PALLD: variants seen among roughly 807,000 people sequenced by gnomAD.
PALLD encodes the protein palladin, cytoskeletal associated protein.
A neutral mutation model predicts 123.5 loss-of-function variants in PALLD; 61 were observed. The ratio of observed to expected loss-of-function variants is 0.49; its 90% CI spans 0.40 to 0.61. The LOEUF (loss-of-function observed/expected upper bound fraction) is 0.61, where lower values mean the gene tolerates loss of function less well. Among genes scored for constraint, PALLD ranks in the 20% least tolerant of loss-of-function variants. The pLI, the probability that PALLD is intolerant of heterozygous loss-of-function variation, is 0.00. For synonymous variants in PALLD, 465 were observed against 496.4 expected (o/e 0.94, Z 0.84); for missense variants, 1,273 against 1,377.0 (o/e 0.92, Z 1.20).
intron 8 of PALLD, among the ~76,000 whole-genome samples, chr4:168,694,681 G>A (rs1324326231): frequency 2.0e-5 from 3 of 152,182 alleles, no homozygotes; most frequent in African/African-American, 4.8e-5. Context: ...GAAATAGCAG[G>A]TTGTCTCCAA....
rs35555541 is a variant in PALLD, at chr4:168,527,422, C to CAAAAAAA, written c.908+15026_908+15032dup. ...GGGCAACAGGAGTGAAACTCCATCT[C>CAAAAAAA]AAAAAAAAAAAAAAAAAAAAAAGTC... On this transcript the variant is annotated intron_variant, in intron 2 of 21. Coordinates refer to ENST00000505667, the MANE Select transcript of PALLD (RefSeq NM_001166108.2). Among the ~76,000 whole-genome samples, 28 of 52,914 alleles carry CAAAAAAA rather than the reference C, an allele frequency of 5.3e-4. 4 individuals are homozygous for CAAAAAAA. The highest frequency in any genetic ancestry group is 2.8e-3 in the African/African-American group (25 of 8,858). The allele number at this position is 52,914 out of a possible 152,430, so 34.7% of individuals were successfully genotyped here. A position where few individuals can be genotyped will look rare whatever the true frequency, so the allele number is the denominator to read the frequency against.
chr4:168,782,119 C>T (rs1736007464), intron 10 of PALLD, among the ~76,000 whole-genome samples: 2 of 152,152 alleles, frequency 1.3e-5, no homozygotes, highest in Non-Finnish European at 2.9e-5. Context: ...GACCAGACTG[C>T]TACCAATGCC....
intron 2 of PALLD, among the ~76,000 whole-genome samples, chr4:168,564,979 C>G (rs1482387863): frequency 6.6e-6 from 1 of 150,740 alleles, no homozygotes; most frequent in Admixed American, 6.6e-5. Flanking sequence ...GTTGCTTGAG[C>G]CTAGGAGACC....
chr4:168,518,651 A>G (rs942230173), intron 2 of PALLD, among the ~76,000 whole-genome samples: 1 of 152,132 alleles, frequency 6.6e-6, no homozygotes, highest in Non-Finnish European at 1.5e-5. Context: ...CCTTTACAAT[A>G]TGGCCTCCTA....
chr4:168,649,315 T>C (rs1051010872), intron 2 of PALLD, among the ~76,000 whole-genome samples: 2 of 152,226 alleles, frequency 1.3e-5, no homozygotes, highest in Non-Finnish European at 2.9e-5. Flanking sequence ...ATAAAACAAT[T>C]GCTAACATTT....
chr4:168,811,677 A>G (rs1277701717), intron 10 of PALLD, among the ~76,000 whole-genome samples: 1 of 152,128 alleles, frequency 6.6e-6, no homozygotes, highest in Non-Finnish European at 1.5e-5. Flanking sequence ...TAGAGGTTGC[A>G]GTGAGCCATA....
At chr4:168,611,895 C>T (rs1410481809) in intron 2 of PALLD, among the ~76,000 whole-genome samples, 1 of 152,190 alleles carries the variant, frequency 6.6e-6, no homozygotes, top group Non-Finnish European at 1.5e-5. Context: ...CGCCATGGCT[C>T]ATGCCTGTAA....
chr4:168,706,456 T>C (rs1302218509), intron 8 of PALLD, among the ~76,000 whole-genome samples: 2 of 152,210 alleles, frequency 1.3e-5, no homozygotes, highest in African/African-American at 4.8e-5. Context: ...TTAATATATC[T>C]TAGAAATGAG....
chr4:168,848,597 C>T (rs1747266313), intron 10 of PALLD, among the ~76,000 whole-genome samples: 2 of 152,176 alleles, frequency 1.3e-5, no homozygotes, highest in Non-Finnish European at 2.9e-5. Context: ...GGGTTATTGT[C>T]AAACTTAGAA....
At chr4:168,673,924 G>A (rs1313470905) in intron 3 of PALLD, among the ~76,000 whole-genome samples, 1 of 151,952 alleles carries the variant, frequency 6.6e-6, no homozygotes, top group African/African-American at 2.4e-5. Flanking sequence ...GTGTCTGTGT[G>A]TGTATTTGGA....
chr4:168,882,763 A>C (rs1277206826), intron 10 of PALLD, among the ~76,000 whole-genome samples: 1 of 152,168 alleles, frequency 6.6e-6, no homozygotes, highest in Non-Finnish European at 1.5e-5. Context: ...CGACTGGGTT[A>C]TTCTGTTGAA....
chr4:168,667,400 T>C (rs976498114), intron 2 of PALLD, among the ~76,000 whole-genome samples: 1 of 152,122 alleles, frequency 6.6e-6, no homozygotes, highest in African/African-American at 2.4e-5. Context: ...TAGGGCAGCT[T>C]TGGGCTTTGT....
chr4:168,926,647 A>G lies in PALLD; in HGVS notation c.*467A>G. ...GAATTGCTGTGATTAAAGTGATCAA[A>G]ATGCCAAAATACTAAAGGAAATCAA... On this transcript the variant is annotated 3_prime_UTR_variant, in exon 22 of 22. Transcript: ENST00000505667. 1 of 380,092 alleles carries G rather than the reference A, an allele frequency of 2.6e-6. No homozygotes were observed. Among genetic ancestry groups the G allele is most frequent in the East Asian group, 4.3e-5 (1 of 23,382 alleles). 23.5% of individuals were successfully genotyped at this position (380,092 alleles called of 1,614,324 possible). A position where few individuals can be genotyped will look rare whatever the true frequency, so the allele number is the denominator to read the frequency against.
At chr4:168,634,744 A>G (rs1266090039) in intron 2 of PALLD, among the ~76,000 whole-genome samples, 3 of 152,236 alleles carry the variant, frequency 2.0e-5, no homozygotes, top group Admixed American at 2.0e-4. Context: ...GGTTATGGGC[A>G]TATGAAGTGT....
At chr4:168,767,759 C>T (rs1045741502) in intron 10 of PALLD, among the ~76,000 whole-genome samples, 11 of 152,092 alleles carry the variant, frequency 7.2e-5, no homozygotes, top group African/African-American at 2.7e-4. Context: ...GTTGGTTAGG[C>T]TGGTCTCAAA....
chr4:168,567,581 A>C (rs573365333), intron 2 of PALLD, among the ~76,000 whole-genome samples: 1 of 136,562 alleles, frequency 7.3e-6, no homozygotes, highest in South Asian at 2.2e-4. Flanking sequence ...GTAGATATAT[A>C]TATTATACAT....
intron 10 of PALLD, among the ~76,000 whole-genome samples, chr4:168,834,073 T>A (rs1482720184): frequency 6.6e-6 from 1 of 151,654 alleles, no homozygotes; most frequent in Non-Finnish European, 1.5e-5. Flanking sequence ...TGGGGTTGGT[T>A]TCCCAGTGAC....
intron 10 of PALLD, among the ~76,000 whole-genome samples, chr4:168,823,573 G>A (rs1409944125): frequency 2.0e-5 from 3 of 152,076 alleles, no homozygotes; most frequent in Admixed American, 6.5e-5. Flanking sequence ...CCAGCTACTC[G>A]GGAGGCTGAG....
At chr4:168,774,587 G>C (rs1272072368) in intron 10 of PALLD, among the ~76,000 whole-genome samples, 1 of 151,964 alleles carries the variant, frequency 6.6e-6, no homozygotes, top group African/African-American at 2.4e-5. Context: ...AATTAGCCGA[G>C]TGTGGCGGTG....
Sources: allele counts gnomAD v4.1 joint callset (sites outside exome capture counted in the v4.1 genomes callset), GRCh38; gene constraint gnomAD v4.1.1; transcripts MANE v1.5; gene names NCBI Gene and HGNC (gene_info 2026-07-23, HGNC 2026-07-21).